AGBL1: variants seen among roughly 807,000 people sequenced by gnomAD.
AGBL1 encodes AGBL carboxypeptidase 1.
Under a neutral mutation model 118.9 loss-of-function variants are expected in AGBL1, and 130 were observed. The ratio of observed to expected loss-of-function variants is 1.09; its 90% CI spans 0.95 to 1.26. The LOEUF (loss-of-function observed/expected upper bound fraction) is 1.26, where lower values mean the gene tolerates loss of function less well. Ranked by LOEUF, AGBL1 falls within the 50% of genes most tolerant of loss-of-function variation. The probability of loss-of-function intolerance (pLI) is 0.00; values close to 1 mark genes in which losing one functional copy is unlikely to be tolerated. For missense variants in AGBL1, 1,584 were observed against 1,298.1 expected, an observed-to-expected ratio of 1.22 and a Z score of -3.38; for synonymous variants, 555 against 478.9, an observed-to-expected ratio of 1.16 and a Z score of -2.08.
chr15:86,887,337 A>T (rs192459579), intron 22 of AGBL1, among the ~76,000 whole-genome samples: 29 of 152,238 alleles, frequency 1.9e-4, no homozygotes, highest in African/African-American at 6.7e-4. Flanking sequence ...CCTATTATAG[A>T]CCTCAATTCT....
At chr15:86,872,743 G>C (rs1361303335) in intron 22 of AGBL1, among the ~76,000 whole-genome samples, 1 of 152,176 alleles carries the variant, frequency 6.6e-6, no homozygotes, top group Non-Finnish European at 1.5e-5. Flanking sequence ...GCGACAGAGT[G>C]AGACTCCGTC....
At chr15:86,944,531 C>G (rs2080793617) in intron 23 of AGBL1, among the ~76,000 whole-genome samples, 1 of 152,132 alleles carries the variant, frequency 6.6e-6, no homozygotes, top group Admixed American at 6.5e-5. Context: ...GAACATTCGA[C>G]TGGACATCGC....
chr15:86,784,834 T>C (rs552031967), intron 22 of AGBL1, among the ~76,000 whole-genome samples: 1 of 152,164 alleles, frequency 6.6e-6, no homozygotes, highest in Non-Finnish European at 1.5e-5. Context: ...TTATAGCTCA[T>C]TGGTGAAATG....
intron 22 of AGBL1, among the ~76,000 whole-genome samples, chr15:86,854,002 A>AT (rs1209329691): frequency 1.6e-4 from 25 of 151,918 alleles, no homozygotes; most frequent in Non-Finnish European, 2.4e-4. Context: ...AAGGACAGCA[A>AT]TTTTTTTTTA....
intron 1 of AGBL1, among the ~76,000 whole-genome samples, chr15:86,100,260 G>A (rs1567053777): frequency 6.6e-6 from 1 of 152,070 alleles, no homozygotes; most frequent in Admixed American, 6.5e-5. Flanking sequence ...TTGTGTCTCT[G>A]TTCTTCTGGA....
At chr15:86,766,521 A>G (rs948463336) in intron 22 of AGBL1, among the ~76,000 whole-genome samples, 3 of 151,898 alleles carry the variant, frequency 2.0e-5, no homozygotes, top group Admixed American at 1.3e-4. Context: ...TCCTAGGCCC[A>G]TCAATTACAA....
intron 22 of AGBL1, among the ~76,000 whole-genome samples, chr15:86,700,813 C>T (rs1349652): frequency 0.4 from 60,175 of 151,808 alleles, 12,442 homozygotes; most frequent in East Asian, 0.63. Flanking sequence ...ATACCTGATA[C>T]CATGAAAGTT....
At chr15:86,247,216 A>C (rs903485152) in intron 6 of AGBL1, among the ~76,000 whole-genome samples, 1 of 152,206 alleles carries the variant, frequency 6.6e-6, no homozygotes, top group African/African-American at 2.4e-5. Context: ...TGCTGGCCCA[A>C]GATTTAAACT....
chr15:86,502,266 T>C (rs189392800), intron 18 of AGBL1, among the ~76,000 whole-genome samples: 182 of 151,666 alleles, frequency 1.2e-3, no homozygotes, highest in Admixed American at 3.1e-3. Flanking sequence ...TGTAAATAAA[T>C]TGATATTTGT....
chr15:86,928,985 C>A (rs994500604), intron 23 of AGBL1, among the ~76,000 whole-genome samples: 1 of 151,942 alleles, frequency 6.6e-6, no homozygotes, highest in African/African-American at 2.4e-5. Flanking sequence ...ATCTCCAGAA[C>A]TTTTTTTTAA....
chr15:87,018,842 G>C (rs1446735360), intron 24 of AGBL1, among the ~76,000 whole-genome samples: 1 of 152,032 alleles, frequency 6.6e-6, no homozygotes, highest in East Asian at 1.9e-4. Flanking sequence ...TGGATAATGA[G>C]TGAAGAAGAC....
At chr15:86,741,771 C>G (rs915640639) in intron 22 of AGBL1, among the ~76,000 whole-genome samples, 6 of 148,996 alleles carry the variant, frequency 4.0e-5, no homozygotes, top group African/African-American at 1.5e-4. Flanking sequence ...TGCTAGCAGA[C>G]ATTTTTTTTT....
At chr15:86,143,616 C>G (rs1450689185) in intron 2 of AGBL1, 83 bp from the exon 3 acceptor site, 34 of 1,503,504 alleles carry the variant, frequency 2.3e-5, no homozygotes, top group Non-Finnish European at 2.4e-5. Flanking sequence ...CTTGCTCTGT[C>G]TCTAGTTGGG....
chr15:86,587,286 C>T (rs2084264183), intron 21 of AGBL1, among the ~76,000 whole-genome samples: 1 of 152,184 alleles, frequency 6.6e-6, no homozygotes, highest in South Asian at 2.1e-4. Context: ...AGTTGGGTTG[C>T]TGTCTCTTTT....
chr15:86,670,626 CAA>C (rs1449550624), intron 21 of AGBL1, among the ~76,000 whole-genome samples: 8 of 95,766 alleles, frequency 8.4e-5, no homozygotes, highest in Non-Finnish European at 1.5e-4. Flanking sequence ...CACACACACA[CAA>C]ACACGCTGTG....
chr15:86,734,743 C>T (rs903519748), intron 22 of AGBL1, among the ~76,000 whole-genome samples: 2 of 152,172 alleles, frequency 1.3e-5, no homozygotes, highest in Admixed American at 1.3e-4. Flanking sequence ...GGCCAGATGA[C>T]TCCTTCCCAC....
At chr15:86,484,105 A>G (rs1183641134) in intron 18 of AGBL1, among the ~76,000 whole-genome samples, 1 of 152,134 alleles carries the variant, frequency 6.6e-6, no homozygotes. Context: ...CTGCCAGCCA[A>G]TCACAGCCTG....
intron 22 of AGBL1, among the ~76,000 whole-genome samples, chr15:86,756,257 A>G (rs2077939012): frequency 6.6e-6 from 1 of 151,822 alleles, no homozygotes; most frequent in Non-Finnish European, 1.5e-5. Flanking sequence ...CCAAAAAAAG[A>G]AAAAGACTAC....
At chr15:87,030,541 A>AAGTG (rs1481293537), downstream of AGBL1, among the ~76,000 whole-genome samples, 1 of 151,970 alleles carries the variant, frequency 6.6e-6, no homozygotes, top group Non-Finnish European at 1.5e-5. Flanking sequence ...AGAATAATCA[A>AAGTG]AGTGAGTTTT....
Sources: allele counts gnomAD v4.1 joint callset (sites outside exome capture counted in the v4.1 genomes callset), GRCh38; gene constraint gnomAD v4.1.1; transcripts MANE v1.5; gene names NCBI Gene and HGNC (gene_info 2026-07-23, HGNC 2026-07-21).